Variants in BDH1 observed in about 807,000 individuals in gnomAD.
The protein encoded by BDH1 is D-beta-hydroxybutyrate dehydrogenase, mitochondrial.
A neutral mutation model predicts 33.1 loss-of-function variants in BDH1; 30 were observed. That is an observed-to-expected ratio of 0.91 (90% CI 0.68 to 1.23). BDH1 has a LOEUF of 1.23. BDH1 is among the 50% of genes most tolerant of loss of function. BDH1 has a pLI of 0.00. For missense variants in BDH1, 443 were observed against 464.4 expected, an observed-to-expected ratio of 0.95 and a Z score of 0.42; for synonymous variants, 190 against 183.6, an observed-to-expected ratio of 1.03 and a Z score of -0.28.
chr3:197,510,860 A>C lies in BDH1; in HGVS notation c.*1035T>G, dbSNP rs1038469955. 2.0e-5 allele frequency: 3 copies of C among 152,580 alleles called. No individual in the cohort carries two copies. Among genetic ancestry groups the C allele is most frequent in the African/African-American group, 7.2e-5 (3 of 41,384 alleles). The allele number at this position is 152,580 out of a possible 1,614,324, so 9.5% of individuals were successfully genotyped here. ...GGCCCCACCCAAGGCAAAACCAAGC[A>C]GACCCAAACCAGTAACAACTTATCC... On this transcript the variant is annotated 3_prime_UTR_variant, in exon 8 of 8. Coordinates refer to ENST00000392379, the MANE Select transcript of BDH1 (RefSeq NM_203314.3).
intron 3 of BDH1, among the ~76,000 whole-genome samples, chr3:197,535,483 A>T (rs1213809350): frequency 1.3e-5 from 2 of 152,208 alleles, no homozygotes; most frequent in African/African-American, 2.4e-5. Flanking sequence ...AACGTTGCTT[A>T]GAGAAATTAC....
rs544447906 is a variant in BDH1, at chr3:197,516,107, C to T, written c.410-1691G>A. Among the ~76,000 whole-genome samples the T allele has an allele frequency of 6.6e-6, 1 of 152,308 alleles. No homozygotes were observed. The highest frequency in any genetic ancestry group is 2.1e-4 in the South Asian group (1 of 4,820). On this transcript the variant is annotated intron_variant, in intron 6 of 7. Transcript: ENST00000392379. The surrounding 1 kb of genome is among the most constrained non-coding windows in gnomAD (Gnocchi z 4.2). ...TACTCCTTGAGGCTCACCTCTCCCT[C>T]AGCATTAGTGATACCCAGGCATCTC... is the stretch of plus-strand genomic sequence containing the variant.
rs1350539274 is a variant in BDH1 at position 197,523,629 on chromosome 3, G to C, written c.268-848C>G. Among the ~76,000 whole-genome samples the C allele has an allele frequency of 6.6e-6, 1 of 152,190 alleles. No homozygotes were observed. The highest frequency in any genetic ancestry group is 1.5e-5 in the Non-Finnish European group (1 of 68,032). On this transcript the variant is annotated intron_variant, in intron 5 of 7. Coordinates refer to ENST00000392379, the MANE Select transcript of BDH1 (RefSeq NM_203314.3). The surrounding 1 kb of genome is among the most constrained non-coding windows in gnomAD (Gnocchi z 4.5). ...TGTTCCGGCACTGTGCTAGGAACTGGAGGTCAAGATCAATCATTCAGCCCC... is the reference window on the plus strand; with the variant it reads ...TGTTCCGGCACTGTGCTAGGAACTGCAGGTCAAGATCAATCATTCAGCCCC...
Position 197,526,385 on chromosome 3 carries a change from A to C in BDH1, c.268-3604T>G, listed in dbSNP as rs1447855190. Reference sequence around the variant, plus strand: ...GATCCGGGGCAGCAAATTAGGGGCAAGACTGTAGTCGTCTGAGGCTGGCTA... The same window carrying C: ...GATCCGGGGCAGCAAATTAGGGGCACGACTGTAGTCGTCTGAGGCTGGCTA... On this transcript the variant is annotated intron_variant, in intron 5 of 7. Coordinates refer to ENST00000392379, the MANE Select transcript of BDH1 (RefSeq NM_203314.3). This position sits in a 1 kb window ranked among gnomAD's most constrained non-coding sequence, Gnocchi z 4.7. Among the ~76,000 whole-genome samples, 2 of 152,184 alleles carry C rather than the reference A, an allele frequency of 1.3e-5. No individual in the cohort carries two copies. Among genetic ancestry groups the C allele is most frequent in the Non-Finnish European group, 1.5e-5 (1 of 68,028 alleles).
chr3:197,572,051 G>A (rs1291698991), intron 1 of BDH1, among the ~76,000 whole-genome samples: 1 of 152,210 alleles, frequency 6.6e-6, no homozygotes, highest in Non-Finnish European at 1.5e-5. Context: ...ACAAAGGCTT[G>A]AATGTAACAA....
In BDH1 at chr3:197,532,502, CA is replaced by C; in HGVS notation, c.176del (p.Leu59ArgfsTer29). 1 of 1,614,090 alleles carries C rather than the reference CA, an allele frequency of 6.2e-7. No homozygotes were observed. Among genetic ancestry groups the C allele is most frequent in the Non-Finnish European group, 8.5e-7 (1 of 1,179,964 alleles). The part of the protein sequence containing the change: ...AAEPVGSKAV[L>X]VTGCDSGFGF... ...CAAATCCAGAGTCACAGCCTGTGAC[CA>C]GGACAGCTTTGCTGCCAACCTGTTT... On this transcript the variant is annotated frameshift_variant, in exon 5 of 8. Coordinates refer to ENST00000392379, the MANE Select transcript of BDH1 (RefSeq NM_203314.3). LOFTEE classifies it high-confidence loss of function.
In BDH1 at chr3:197,510,141, T is replaced by G. The variant is rs934815807; in HGVS notation, c.*1754A>C. 5.3e-5 allele frequency: 8 copies of G among 152,314 alleles called. No homozygotes were observed. The highest frequency in any genetic ancestry group is 1.9e-4 in the African/African-American group (8 of 41,474). 9.4% of individuals were successfully genotyped at this position (152,314 alleles called of 1,614,324 possible). A position where few individuals can be genotyped will look rare whatever the true frequency, so the allele number is the denominator to read the frequency against. Reference sequence around the variant, plus strand: ...CTTCTGCCTTCTCCTGGCACCAGCCTCCGGGCCCGGGCCAGCTGCTAGGAG... The same window carrying G: ...CTTCTGCCTTCTCCTGGCACCAGCCGCCGGGCCCGGGCCAGCTGCTAGGAG... On this transcript the variant is annotated 3_prime_UTR_variant, in exon 8 of 8. Transcript: ENST00000392379.
chr3:197,518,409 C>T (rs1379824694), intron 6 of BDH1, among the ~76,000 whole-genome samples: 1 of 30,918 alleles, frequency 3.2e-5, no homozygotes, highest in African/African-American at 1.3e-4. Context: ...ACTCCATCCC[C>T]CCCTCAGGCC....
intron 1 of BDH1, among the ~76,000 whole-genome samples, chr3:197,569,605 T>C (rs1462097312): frequency 6.6e-6 from 1 of 152,188 alleles, no homozygotes; most frequent in Non-Finnish European, 1.5e-5. Flanking sequence ...GTTTCTCCCA[T>C]ACTTCTCTCT....
chr3:197,552,314 A>C (rs574278912), intron 2 of BDH1, among the ~76,000 whole-genome samples: 2 of 152,280 alleles, frequency 1.3e-5, no homozygotes, highest in East Asian at 3.9e-4. Context: ...GGATTATTGC[A>C]GTAGCCTCCC....
intron 3 of BDH1, chr3:197,543,273 T>C: frequency 1.4e-6 from 1 of 708,122 alleles, no homozygotes; most frequent in Non-Finnish European, 1.7e-6. Context: ...TGTTTGACCA[T>C]GAATCCCGCA....
At chr3:197,562,963 A>G (rs760282820) in intron 1 of BDH1, among the ~76,000 whole-genome samples, 3 of 152,106 alleles carry the variant, frequency 2.0e-5, no homozygotes, top group Non-Finnish European at 2.9e-5. Flanking sequence ...GTTTTTCTCT[A>G]TTTTCCTTTC....
At chr3:197,542,919 G>C (rs1715775203) in intron 3 of BDH1, 7 of 904,144 alleles carry the variant, frequency 7.7e-6, no homozygotes, top group Non-Finnish European at 9.3e-6. Flanking sequence ...GGAACAGAAT[G>C]AGAGGGAGGA....
chr3:197,564,326 A>T (rs184415256), intron 1 of BDH1, among the ~76,000 whole-genome samples: 212 of 152,250 alleles, frequency 1.4e-3, no homozygotes, highest in East Asian at 0.011. Flanking sequence ...TTTTAAAAAA[A>T]CCTATATGAT....
At position 197,517,269 on chromosome 3, in the gene BDH1, GCTCTATGGTCTCCA is replaced by G. The variant is rs1186298109; in HGVS notation, c.410-2867_410-2854del. 3.7e-3 allele frequency among the ~76,000 whole-genome samples: 291 copies of G among 79,386 alleles called. 8 individuals carry two copies. Among genetic ancestry groups the G allele is most frequent in the African/African-American group, 0.015 (275 of 18,770 alleles). 52.1% of individuals were successfully genotyped at this position (79,386 alleles called of 152,430 possible). ...CCGACCCCCGCATCAGTCATTTCCT[GCTCTATGGTCTCCA>G]TCCCCCCCTCAGGCCGACCCCCGCA... On this transcript the variant is annotated intron_variant, in intron 6 of 7. Coordinates refer to ENST00000392379, the MANE Select transcript of BDH1 (RefSeq NM_203314.3).
chr3:197,564,357 A>C (rs1717364175), intron 1 of BDH1, among the ~76,000 whole-genome samples: 1 of 151,950 alleles, frequency 6.6e-6, no homozygotes, highest in East Asian at 1.9e-4. Context: ...TATTATTATT[A>C]AGTTTTGGTT....
At chr3:197,535,575 T>C (rs1715081267) in intron 3 of BDH1, among the ~76,000 whole-genome samples, 2 of 152,278 alleles carry the variant, frequency 1.3e-5, no homozygotes, top group African/African-American at 4.8e-5. Flanking sequence ...CAATGCCCAA[T>C]GTAGTTAGTG....
upstream of BDH1, among the ~76,000 whole-genome samples, chr3:197,558,950 T>C (rs1204026574): frequency 2.0e-5 from 3 of 152,006 alleles, no homozygotes; most frequent in African/African-American, 7.2e-5. Context: ...AAACTCTGAT[T>C]GGACTTTGCA....
chr3:197,512,083 C>A lies in BDH1; in HGVS notation c.844G>T (p.Ala282Ser), dbSNP rs145598252. 3 of 1,614,048 alleles carry A rather than the reference C, an allele frequency of 1.9e-6. No individual in the cohort carries two copies. Among genetic ancestry groups the A allele is most frequent in the Admixed American group, 1.7e-5 (1 of 59,996 alleles). ...YGKKYFDEKI[A>S]KMETYCSSGS... Reference sequence around the variant, plus strand: ...CTGCTGCAGTAGGTCTCCATCTTGGCGATCTTTTCATCAAAGTACTTCTTG... The same window carrying A: ...CTGCTGCAGTAGGTCTCCATCTTGGAGATCTTTTCATCAAAGTACTTCTTG... The change falls in exon 8 of 8, where the codon GCC becomes TCC. Residue 282 changes from alanine to serine, a missense_variant. By Grantham distance (99) the Ala-to-Ser change is moderately conservative. Transcript: ENST00000392379.
Sources: gnomAD v4.1 joint callset for allele counts (sites outside exome capture counted in the v4.1 genomes callset) on GRCh38, gnomAD v4.1.1 for gene constraint, Gnocchi (gnomAD v3.1) non-coding constraint, MANE v1.5 for transcripts, NCBI Gene and HGNC (gene_info 2026-07-23, HGNC 2026-07-21) for gene names.